Variants in CLSTN2 observed in about 807,000 individuals in gnomAD.
CLSTN2 encodes the protein calsyntenin 2.
In CLSTN2, 48 loss-of-function variants were observed where a neutral mutation model predicts 101.2. The observed-to-expected ratio is 0.47, with a 90% CI of 0.38 to 0.60. CLSTN2 has a LOEUF of 0.60. Among genes scored for constraint, CLSTN2 ranks in the 20% least tolerant of loss-of-function variants. The pLI, the probability that CLSTN2 is intolerant of heterozygous loss-of-function variation, is 0.00. For missense variants in CLSTN2, 1,160 were observed against 1,238.2 expected (o/e 0.94, Z 0.95); for synonymous variants, 481 against 463.6 (o/e 1.04, Z -0.48).
chr3:140,287,719 A>T (rs1331897658), intron 2 of CLSTN2, among the ~76,000 whole-genome samples: 1 of 152,182 alleles, frequency 6.6e-6, no homozygotes, highest in Non-Finnish European at 1.5e-5. Context: ...TTGAATTGCC[A>T]TTTTACAAAT....
intron 2 of CLSTN2, among the ~76,000 whole-genome samples, chr3:140,194,492 C>A (rs2010616237): frequency 6.6e-6 from 1 of 152,050 alleles, no homozygotes; most frequent in Admixed American, 6.6e-5. Flanking sequence ...ATTGTAATAT[C>A]TCTGTTTTCT....
At chr3:139,982,110 T>A (rs1248834793) in intron 1 of CLSTN2, among the ~76,000 whole-genome samples, 1 of 152,198 alleles carries the variant, frequency 6.6e-6, no homozygotes, top group Non-Finnish European at 1.5e-5. Flanking sequence ...AAATTTACTG[T>A]GGGCAGGTTT....
chr3:140,144,852 C>T (rs2009757538), intron 1 of CLSTN2, among the ~76,000 whole-genome samples: 3 of 152,190 alleles, frequency 2.0e-5, no homozygotes, highest in Non-Finnish European at 2.9e-5. Context: ...TGGGCCTTTG[C>T]ATGTGACTTT....
chr3:140,524,126 G>GGATAACAGATTGCATGAGGGAGT (rs1300851990), intron 8 of CLSTN2, among the ~76,000 whole-genome samples: 1 of 152,194 alleles, frequency 6.6e-6, no homozygotes, highest in Admixed American at 6.5e-5. Flanking sequence ...ATTCTGGCTT[G>GGATAACAGATTGCATGAGGGAGT]GATAACAGAT....
At chr3:140,063,283 C>T (rs1488028092) in intron 1 of CLSTN2, among the ~76,000 whole-genome samples, 1 of 152,160 alleles carries the variant, frequency 6.6e-6, no homozygotes, top group African/African-American at 2.4e-5. Context: ...TGAATTCTAC[C>T]CAGGAACTCC....
At chr3:140,136,458 G>A (rs1303091915) in intron 1 of CLSTN2, among the ~76,000 whole-genome samples, 1 of 152,186 alleles carries the variant, frequency 6.6e-6, no homozygotes, top group African/African-American at 2.4e-5. Context: ...GTCAATGAGA[G>A]CTGTGACATT....
At chr3:140,200,259 T>A (rs1488804644) in intron 2 of CLSTN2, among the ~76,000 whole-genome samples, 1 of 152,188 alleles carries the variant, frequency 6.6e-6, no homozygotes, top group African/African-American at 2.4e-5. Flanking sequence ...TATTTTAAGA[T>A]AATTTTTTTG....
intron 2 of CLSTN2, among the ~76,000 whole-genome samples, chr3:140,375,036 G>A (rs896557291): frequency 1.3e-5 from 2 of 152,212 alleles, no homozygotes; most frequent in Non-Finnish European, 2.9e-5. Context: ...GTAGCTCTGA[G>A]TCTTGATGCC....
chr3:140,444,010 A>C (rs1232903434), intron 5 of CLSTN2, among the ~76,000 whole-genome samples: 1 of 152,224 alleles, frequency 6.6e-6, no homozygotes, highest in East Asian at 1.9e-4. Context: ...TAAAACTGAC[A>C]ATACTTCTTG....
intron 2 of CLSTN2, among the ~76,000 whole-genome samples, chr3:140,271,766 A>C (rs2086744382): frequency 6.6e-6 from 1 of 152,246 alleles, no homozygotes; most frequent in African/African-American, 2.4e-5. Flanking sequence ...CTATGTGTTC[A>C]TTAGCACATG....
At chr3:140,265,934 T>G (rs757911237) in intron 2 of CLSTN2, among the ~76,000 whole-genome samples, 2 of 152,192 alleles carry the variant, frequency 1.3e-5, no homozygotes, top group African/African-American at 2.4e-5. Flanking sequence ...CTAGGGTTCT[T>G]GGATCCCTCA....
chr3:140,329,728 T>C (rs944206837), intron 2 of CLSTN2, among the ~76,000 whole-genome samples: 7 of 152,210 alleles, frequency 4.6e-5, no homozygotes, highest in African/African-American at 1.7e-4. Flanking sequence ...TGGCTTCCTG[T>C]ATTCATGGCA....
intron 5 of CLSTN2, among the ~76,000 whole-genome samples, chr3:140,438,132 C>T (rs961631392): frequency 4.6e-5 from 7 of 152,102 alleles, no homozygotes; most frequent in Non-Finnish European, 1.0e-4. Context: ...TGAATTTTGG[C>T]TACCTTTCTC....
At chr3:139,949,972 A>G (rs1246320713) in intron 1 of CLSTN2, among the ~76,000 whole-genome samples, 1 of 152,208 alleles carries the variant, frequency 6.6e-6, no homozygotes, top group Non-Finnish European at 1.5e-5. Context: ...GAAGTTTTTA[A>G]TTGGAAAAGC....
At chr3:140,341,026 C>T (rs146126810) in intron 2 of CLSTN2, among the ~76,000 whole-genome samples, 4 of 152,248 alleles carry the variant, frequency 2.6e-5, no homozygotes, top group African/African-American at 7.2e-5. Flanking sequence ...TTACCACTGT[C>T]GACGTTGACC....
intron 8 of CLSTN2, among the ~76,000 whole-genome samples, chr3:140,494,930 G>C (rs751419770): frequency 2.4e-4 from 36 of 152,066 alleles, no homozygotes; most frequent in Non-Finnish European, 3.8e-4. Flanking sequence ...ACATATATGT[G>C]CATATATCTT....
chr3:140,507,616 T>G (rs934508160), intron 8 of CLSTN2: 8 of 152,196 alleles, frequency 5.3e-5, no homozygotes, highest in Admixed American at 4.6e-4. Flanking sequence ...TCCTCGTCCT[T>G]TCCTTCACCA....
At chr3:139,948,458 A>T (rs1935245743) in intron 1 of CLSTN2, among the ~76,000 whole-genome samples, 1 of 151,662 alleles carries the variant, frequency 6.6e-6, no homozygotes, top group African/African-American at 2.4e-5. Context: ...GAGCGACTCC[A>T]TCTCAAGAAA....
At chr3:140,115,173 C>T (rs973321025) in intron 1 of CLSTN2, among the ~76,000 whole-genome samples, 9 of 152,310 alleles carry the variant, frequency 5.9e-5, no homozygotes, top group African/African-American at 2.2e-4. Flanking sequence ...ATACTGTGAG[C>T]AAGTGAGGGG....
Sources: gnomAD v4.1 joint callset for allele counts (sites outside exome capture counted in the v4.1 genomes callset) on GRCh38, gnomAD v4.1.1 for gene constraint, MANE v1.5 for transcripts, NCBI Gene and HGNC (gene_info 2026-07-23, HGNC 2026-07-21) for gene names.